The following LAMA3 variants were observed in gnomAD, a reference collection of about 807,000 sequenced individuals.
The protein encoded by LAMA3 is laminin subunit alpha 3.
A neutral mutation model predicts 402.0 loss-of-function variants in LAMA3; 281 were observed. The observed-to-expected ratio is 0.70, with a 90% CI of 0.63 to 0.77. The LOEUF (loss-of-function observed/expected upper bound fraction) is 0.77, where lower values mean the gene tolerates loss of function less well. LAMA3 is among the 30% of genes least tolerant of loss of function. LAMA3 has a pLI of 0.00. For synonymous variants in LAMA3, 1,431 were observed against 1,558.4 expected (o/e 0.92, Z 1.93); for missense variants, 3,840 against 4,215.5 (o/e 0.91, Z 2.47).
rs757581056 is a variant in LAMA3, at chr18:23,915,270, T to G, written c.7645-19T>G. The G allele has an allele frequency of 2.0e-5, 33 of 1,612,438 alleles. No homozygotes were observed. The highest frequency in any genetic ancestry group is 2.8e-5 in the Non-Finnish European group (33 of 1,179,224). ...TGTCCTTTGTTCAATTGGTGGAAGA[T>G]GTTTTATTTCATTTTCAGCTTCCCA... On this transcript the variant is annotated intron_variant, in intron 58 of 74. Coordinates refer to ENST00000313654, the MANE Select transcript of LAMA3 (RefSeq NM_198129.4).
At chr18:23,888,846 G>T (rs1396013009) in intron 41 of LAMA3, among the ~76,000 whole-genome samples, 2 of 151,808 alleles carry the variant, frequency 1.3e-5, no homozygotes, top group Non-Finnish European at 2.9e-5. Context: ...TGACAATTTG[G>T]GGGTGACTGG....
At chr18:23,903,268 A>G in intron 49 of LAMA3, 143 bp downstream of exon 49, 2 of 645,648 alleles carry the variant, frequency 3.1e-6, no homozygotes, top group South Asian at 3.7e-5. Flanking sequence ...AATGTTAACA[A>G]TAGTTCTCTC....
chr18:23,899,972 A>G (rs2081011362), intron 47 of LAMA3, among the ~76,000 whole-genome samples: 1 of 152,102 alleles, frequency 6.6e-6, no homozygotes, highest in South Asian at 2.1e-4. Flanking sequence ...CATAAAATTT[A>G]TTTACGTTTC....
chr18:23,834,313 C>G (rs1335269625), intron 24 of LAMA3: 1 of 361,006 alleles, frequency 2.8e-6, no homozygotes, highest in Admixed American at 3.9e-5. Flanking sequence ...CTGCTCTCAC[C>G]TCAAAGGCTG....
chr18:23,901,228 A>G lies in LAMA3; in HGVS notation c.6106A>G (p.Ser2036Gly). 4 of 1,614,162 alleles carry G rather than the reference A, an allele frequency of 2.5e-6. No homozygotes were observed. The highest frequency in any genetic ancestry group is 3.4e-6 in the Non-Finnish European group (4 of 1,179,988). The change falls in exon 48 of 75, where the codon AGT becomes GGT. Residue 2036 changes from serine (S) to glycine (G), a missense_variant. By Grantham distance (56) the Ser-to-Gly change is moderately conservative. Coordinates refer to ENST00000313654, the MANE Select transcript of LAMA3 (RefSeq NM_198129.4). ...DSLNEYEAKL[S>G]DLRARLQEAA... ...TTTAAATGAATACGAAGCCAAACTC[A>G]GTGACCTTCGTGCTCGGCTGCAGGA...
chr18:23,827,423 C>T lies in LAMA3; in HGVS notation c.2779C>T (p.Pro927Ser). 6.2e-7 allele frequency: 1 copy of T among 1,614,152 alleles called. No individual in the cohort carries two copies. Among genetic ancestry groups the T allele is most frequent in the Non-Finnish European group, 8.5e-7 (1 of 1,180,030 alleles). The change falls in exon 23 of 75, where the codon CCC becomes TCC. Residue 927 changes from proline to serine, a missense_variant. Pro to Ser is a moderately conservative substitution (Grantham distance 74). Coordinates refer to ENST00000313654, the MANE Select transcript of LAMA3 (RefSeq NM_198129.4). Reference protein sequence around the residue: ...GEPRPVAVRQPTPAHPVMVDL... With the variant: ...GEPRPVAVRQSTPAHPVMVDL... ...GCCAAGACCCGTGGCAGTGAGGCAGCCCACACCTGCACACCCTGTCATGGT... is the reference window on the plus strand; with the variant it reads ...GCCAAGACCCGTGGCAGTGAGGCAGTCCACACCTGCACACCCTGTCATGGT...
chr18:23,922,240 T>C (rs1340739343), intron 62 of LAMA3, among the ~76,000 whole-genome samples: 1 of 152,246 alleles, frequency 6.6e-6, no homozygotes, highest in Non-Finnish European at 1.5e-5. Flanking sequence ...CGATAGTGTG[T>C]GGACAGAACA....
intron 38 of LAMA3, 50 bp downstream of exon 38, chr18:23,871,711 GT>G (rs1568279722): frequency 4.8e-6 from 7 of 1,453,438 alleles, no homozygotes; most frequent in African/African-American, 1.4e-5. Context: ...TCCTGTGGCC[GT>G]TTTTGGCTGC....
Position 23,847,523 on chromosome 18 carries a change from C to G in LAMA3, c.3991C>G (p.Arg1331Gly), listed in dbSNP as rs373918034. The change falls in exon 32 of 75, where the codon CGC (arginine) becomes GGC (glycine). Residue 1331 changes from arginine to glycine, a missense_variant. Arg to Gly is a moderately radical substitution (Grantham distance 125). Transcript: ENST00000313654. Reference protein sequence around the residue: ...EMTGQCRCPPRTVRPQCEVCE... With the variant: ...EMTGQCRCPPGTVRPQCEVCE... ...GACGGGGCAGTGCCGCTGCCCTCCC[C>G]GCACGGTCAGGCCCCAGTGTGAGGT... 13 of 1,614,010 alleles carry G rather than the reference C, an allele frequency of 8.1e-6. No individual in the cohort carries two copies. The East Asian group carries it at 2.9e-4, about 36-fold the overall frequency.
chr18:23,691,638 C>G (rs993540181), intron 1 of LAMA3, among the ~76,000 whole-genome samples: 2 of 152,326 alleles, frequency 1.3e-5, no homozygotes, highest in African/African-American at 2.4e-5. Context: ...GTGGTGCTAT[C>G]TTGGCTCACT....
rs2063527829 is a variant in LAMA3 at position 23,833,704 on chromosome 18, T to C, written c.2824-124T>C. The stretch of plus-strand genomic sequence containing the variant: ...CAACCTGTAGGACCATATTCCTTAC[T>C]GGGATGACATATAAAAATACTTCCA... On this transcript the variant is annotated intron_variant, in intron 23 of 74. Transcript: ENST00000313654. 9 of 1,034,994 alleles carry C rather than the reference T, an allele frequency of 8.7e-6. No homozygotes were observed. The South Asian group carries it at 9.0e-5, about 10-fold the overall frequency. The allele number at this position is 1,034,994 out of a possible 1,614,324, so 64.1% of individuals were successfully genotyped here.
In LAMA3 at chr18:23,915,610, T is replaced by A. The variant is rs989385101; in HGVS notation, c.7778+188T>A. On this transcript the variant is annotated intron_variant, in intron 59 of 74. Coordinates refer to ENST00000313654, the MANE Select transcript of LAMA3 (RefSeq NM_198129.4). ...GCCCTAAAATCTAATTATGGTAGTCTCTTCTTAATTTGTATGAAATGCTAG... is the reference window on the plus strand; with the variant it reads ...GCCCTAAAATCTAATTATGGTAGTCACTTCTTAATTTGTATGAAATGCTAG... Among the ~76,000 whole-genome samples the A allele has an allele frequency of 3.3e-5, 5 of 152,330 alleles. 1 individual carries two copies. In the South Asian group the frequency reaches 1.0e-3, roughly 32 times the overall value.
intron 13 of LAMA3, among the ~76,000 whole-genome samples, chr18:23,812,288 G>A (rs2063089591): frequency 6.6e-6 from 1 of 152,176 alleles, no homozygotes; most frequent in Non-Finnish European, 1.5e-5. Context: ...GTTGCAGTGA[G>A]CTATGATCGT....
intron 9 of LAMA3, 26 bp downstream of exon 9, chr18:23,773,613 T>C: frequency 6.8e-7 from 1 of 1,469,090 alleles, no homozygotes; most frequent in Non-Finnish European, 9.4e-7. Flanking sequence ...AGTTGGTGTA[T>C]CTTAGCCTGT....
At chr18:23,704,263 G>C (rs1026705189) in intron 1 of LAMA3, among the ~76,000 whole-genome samples, 1 of 152,210 alleles carries the variant, frequency 6.6e-6, no homozygotes, top group African/African-American at 2.4e-5. Flanking sequence ...GGTGTATATA[G>C]AGTCATATAA....
chr18:23,837,939 A>C (rs1052651250), intron 25 of LAMA3, among the ~76,000 whole-genome samples: 3 of 152,202 alleles, frequency 2.0e-5, no homozygotes, highest in African/African-American at 4.8e-5. Flanking sequence ...ATAATTATAA[A>C]ATTATGACTC....
At chr18:23,915,530 G>C in intron 59 of LAMA3, 108 bp downstream of exon 59, 1 of 1,046,038 alleles carries the variant, frequency 9.6e-7, no homozygotes, top group Non-Finnish European at 1.5e-6. Flanking sequence ...GATGTTGCTA[G>C]TTGCTTTGGG....
intron 13 of LAMA3, among the ~76,000 whole-genome samples, chr18:23,812,814 A>G (rs2063100110): frequency 6.6e-6 from 1 of 152,220 alleles, no homozygotes; most frequent in Non-Finnish European, 1.5e-5. Context: ...TTAGAAGTGA[A>G]CTGTCATGAG....
intron 5 of LAMA3, 132 bp from the exon 6 acceptor site, chr18:23,753,589 T>A: frequency 5.6e-6 from 4 of 716,182 alleles, no homozygotes. Context: ...ACATGTTACA[T>A]CCCAATGTAG....
Sources: allele counts gnomAD v4.1 joint callset (sites outside exome capture counted in the v4.1 genomes callset), GRCh38; gene constraint gnomAD v4.1.1; transcripts MANE v1.5; gene names NCBI Gene and HGNC (gene_info 2026-07-23, HGNC 2026-07-21).